The following ROBO2 variants were observed in gnomAD, a reference collection of about 807,000 sequenced individuals.
The protein encoded by ROBO2 is roundabout homolog 2.
ROBO2 carries 53 observed loss-of-function variants against 160.8 expected under a neutral mutation model. The ratio of observed to expected loss-of-function variants is 0.33; its 90% CI spans 0.26 to 0.41. The LOEUF (loss-of-function observed/expected upper bound fraction) is 0.41, where lower values mean the gene tolerates loss of function less well. Among genes scored for constraint, ROBO2 ranks in the 10% least tolerant of loss-of-function variants. The pLI is 1.00. For missense variants in ROBO2, 1,577 were observed against 1,722.4 expected (o/e 0.92, Z 1.49); for synonymous variants, 664 against 611.7 (o/e 1.09, Z -1.26).
chr3:76,856,345 C>A (rs141214323), intron 2 of ROBO2, among the ~76,000 whole-genome samples: 3 of 152,228 alleles, frequency 2.0e-5, no homozygotes, highest in Admixed American at 6.5e-5. Context: ...TGTTTTAAGA[C>A]ACATATATGG....
chr3:77,305,473 G>A (rs2063022592), intron 2 of ROBO2, among the ~76,000 whole-genome samples: 1 of 152,204 alleles, frequency 6.6e-6, no homozygotes, highest in Non-Finnish European at 1.5e-5. Flanking sequence ...TGAGGATGGT[G>A]TTCTCAGGTG....
At chr3:76,480,889 G>T (rs953430717) in intron 2 of ROBO2, among the ~76,000 whole-genome samples, 4 of 152,120 alleles carry the variant, frequency 2.6e-5, no homozygotes, top group Non-Finnish European at 5.9e-5. Context: ...AGATTTATTG[G>T]TTATCACAAG....
intron 2 of ROBO2, among the ~76,000 whole-genome samples, chr3:76,348,351 T>G (rs891010077): frequency 1.3e-5 from 2 of 152,132 alleles, no homozygotes; most frequent in Non-Finnish European, 2.9e-5. Context: ...AATACTGTTT[T>G]TGGAAAATTG....
At chr3:77,156,324 ATTGT>A (rs2078005050) in intron 2 of ROBO2, among the ~76,000 whole-genome samples, 2 of 152,048 alleles carry the variant, frequency 1.3e-5, no homozygotes, top group Non-Finnish European at 1.5e-5. Context: ...ACAATGTAAG[ATTGT>A]TTATTTATGC....
At chr3:77,637,760 T>C (rs1018779549) in intron 24 of ROBO2, among the ~76,000 whole-genome samples, 3 of 152,190 alleles carry the variant, frequency 2.0e-5, no homozygotes, top group African/African-American at 7.2e-5. Context: ...TTGAAGATAA[T>C]ATTCAGAATA....
chr3:77,366,036 C>G (rs558001959), intron 2 of ROBO2, among the ~76,000 whole-genome samples: 4 of 152,050 alleles, frequency 2.6e-5, no homozygotes, highest in Non-Finnish European at 4.4e-5. Flanking sequence ...GGAATCAGTC[C>G]TAATGATTAT....
chr3:77,493,311 T>A, exon 5 of ROBO2: 1 of 1,614,056 alleles, frequency 6.2e-7, no homozygotes, highest in Admixed American at 1.7e-5. Context: ...TAGAATTTCG[T>A]TGTCAAGTCC....
chr3:77,574,199 A>G (rs2093705826), intron 13 of ROBO2, among the ~76,000 whole-genome samples: 1 of 152,072 alleles, frequency 6.6e-6, no homozygotes, highest in Non-Finnish European at 1.5e-5. Flanking sequence ...CTGGCCTTTG[A>G]GAGGCCCTTG....
chr3:76,874,070 A>G (rs2072438200), intron 2 of ROBO2, among the ~76,000 whole-genome samples: 1 of 152,200 alleles, frequency 6.6e-6, no homozygotes, highest in Non-Finnish European at 1.5e-5. Context: ...GGAGCAGGTT[A>G]GTGGGCCAGC....
intron 1 of ROBO2, among the ~76,000 whole-genome samples, chr3:77,063,276 GTC>G (rs2066509191): frequency 6.6e-6 from 1 of 152,122 alleles, no homozygotes; most frequent in Admixed American, 6.6e-5. Context: ...GAGTGTACGT[GTC>G]TGTTTTCTAA....
intron 2 of ROBO2, among the ~76,000 whole-genome samples, chr3:77,250,159 A>G (rs1199504661): frequency 6.6e-6 from 1 of 152,216 alleles, no homozygotes; most frequent in East Asian, 1.9e-4. Flanking sequence ...AAATCTAGAA[A>G]GGCCTAGAAC....
At chr3:76,939,134 A>G (rs1271189513) in intron 2 of ROBO2, among the ~76,000 whole-genome samples, 1 of 152,182 alleles carries the variant, frequency 6.6e-6, no homozygotes, top group African/African-American at 2.4e-5. Context: ...TTACAGCTGC[A>G]TGACTCTGAG....
intron 5 of ROBO2, among the ~76,000 whole-genome samples, chr3:77,521,010 C>A (rs2090536294): frequency 6.6e-6 from 1 of 151,178 alleles, no homozygotes; most frequent in Admixed American, 6.6e-5. Flanking sequence ...CAGTAGGAAA[C>A]AAGATATGTA....
intron 2 of ROBO2, among the ~76,000 whole-genome samples, chr3:76,285,168 A>G (rs1708446300): frequency 6.6e-6 from 1 of 152,160 alleles, no homozygotes; most frequent in Non-Finnish European, 1.5e-5. Context: ...TGTGAATTCT[A>G]TTAAAAAGTT....
chr3:76,456,327 G>T (rs2077750622), intron 2 of ROBO2, among the ~76,000 whole-genome samples: 1 of 152,122 alleles, frequency 6.6e-6, no homozygotes, highest in Non-Finnish European at 1.5e-5. Flanking sequence ...CCATTGGTTT[G>T]TTCAATTTTT....
In ROBO2 at chr3:76,043,296, C is replaced by G. The variant is rs141972886; in HGVS notation, c.109+105694C>G. On this transcript the variant is annotated intron_variant, in intron 2 of 26. Transcript: ENST00000487694. ...ATACTGTGCCCTGGAATAGTCTCTC[C>G]CTTTTCGTTTGTAAGGGGTCTTCTT... 3.6e-3 allele frequency among the ~76,000 whole-genome samples: 549 copies of G among 151,902 alleles called. 14 individuals are homozygous for G. Among genetic ancestry groups the G allele is most frequent in the African/African-American group, 0.013 (525 of 41,262 alleles).
chr3:77,301,598 CAT>C (rs971664152), intron 2 of ROBO2, among the ~76,000 whole-genome samples: 4 of 152,174 alleles, frequency 2.6e-5, no homozygotes, highest in Non-Finnish European at 4.4e-5. Flanking sequence ...TAAATTCGCA[CAT>C]GAGCAAAGCA....
In ROBO2 at chr3:76,292,473, CATTTACTCTTAA is replaced by C. The variant is rs1213830925; in HGVS notation, c.109+354873_109+354884del. On this transcript the variant is annotated intron_variant, in intron 2 of 26. Transcript: ENST00000487694. ...AAACTTGACAACATATAAGATGTAA[CATTTACTCTTAA>C]AGAATGTAGACTCTCTATTCCACCC... Among the ~76,000 whole-genome samples the C allele has an allele frequency of 3.3e-5, 5 of 152,224 alleles. No individual in the cohort carries two copies. In the South Asian group the frequency reaches 1.0e-3, roughly 32 times the overall value.
intron 1 of ROBO2, among the ~76,000 whole-genome samples, chr3:75,918,711 G>C (rs1319792062): frequency 1.3e-5 from 2 of 152,062 alleles, no homozygotes; most frequent in East Asian, 3.9e-4. Context: ...ATTTCCTTGA[G>C]CTCTGGTTTG....
Sources: gnomAD v4.1 joint callset for allele counts (sites outside exome capture counted in the v4.1 genomes callset) on GRCh38, gnomAD v4.1.1 for gene constraint, MANE v1.5 for transcripts, NCBI Gene and HGNC (gene_info 2026-07-23, HGNC 2026-07-21) for gene names.